Variants in MBOAT2 observed in about 807,000 individuals in gnomAD.
MBOAT2 encodes the protein membrane-bound glycerophospholipid O-acyltransferase 2.
A neutral mutation model predicts 63.4 loss-of-function variants in MBOAT2; 28 were observed. The observed-to-expected ratio is 0.44, with a 90% CI of 0.33 to 0.61. The LOEUF is 0.61. Ranked by LOEUF, MBOAT2 falls within the 20% of genes least tolerant of loss-of-function variation. The probability of loss-of-function intolerance (pLI) is 0.03; values close to 1 mark genes in which losing one functional copy is unlikely to be tolerated. For synonymous variants in MBOAT2, 211 were observed against 215.6 expected, an observed-to-expected ratio of 0.98 and a Z score of 0.19; for missense variants, 470 against 605.8, an observed-to-expected ratio of 0.78 and a Z score of 2.35.
intron 2 of MBOAT2, among the ~76,000 whole-genome samples, chr2:8,950,218 G>A (rs1250050666): frequency 3.3e-5 from 5 of 152,142 alleles, no homozygotes; most frequent in African/African-American, 7.2e-5. Context: ...CAGCCTTCTG[G>A]AGGAGTCTTT....
chr2:8,945,522 A>T (rs1668353321), intron 2 of MBOAT2, among the ~76,000 whole-genome samples: 1 of 152,204 alleles, frequency 6.6e-6, no homozygotes, highest in Admixed American at 6.5e-5. Context: ...TTAAAAGTCT[A>T]TTATCATTCA....
chr2:8,974,056 TGTACCAA>T (rs758275002), intron 1 of MBOAT2, among the ~76,000 whole-genome samples: 3 of 152,184 alleles, frequency 2.0e-5, no homozygotes, highest in African/African-American at 4.8e-5. Context: ...GAGGCAGCCC[TGTACCAA>T]GTACCAAGTA....
At chr2:8,924,762 A>G (rs930497457) in intron 3 of MBOAT2, among the ~76,000 whole-genome samples, 5 of 151,830 alleles carry the variant, frequency 3.3e-5, no homozygotes, top group African/African-American at 1.2e-4. Flanking sequence ...ACTCAGTAAG[A>G]TAATGAAGTC....
rs1181651020 is a variant in MBOAT2 at position 8,857,494 on chromosome 2, C to T, written c.*1185G>A. The T allele has an allele frequency of 6.6e-6, 1 of 152,184 alleles. No individual in the cohort carries two copies. The highest frequency in any genetic ancestry group is 6.5e-5 in the Admixed American group (1 of 15,284). The allele number at this position is 152,184 out of a possible 1,614,324, so 9.4% of individuals were successfully genotyped here. A position where few individuals can be genotyped will look rare whatever the true frequency, so the allele number is the denominator to read the frequency against. On this transcript the variant is annotated 3_prime_UTR_variant, in exon 13 of 13. Coordinates refer to ENST00000305997, the MANE Select transcript of MBOAT2 (RefSeq NM_138799.4). ...TAAAACTCATTTTAGTAAGAGTTCA[C>T]AGCAAAATTTTAATGTGAGAAGAGT...
At chr2:8,877,621 G>T (rs1662791469) in intron 6 of MBOAT2, among the ~76,000 whole-genome samples, 1 of 152,214 alleles carries the variant, frequency 6.6e-6, no homozygotes, top group South Asian at 2.1e-4. Flanking sequence ...CACAGAGCTT[G>T]CATACTGGTT....
Position 8,852,691 on chromosome 2 carries a change from A to G in MBOAT2, c.*5988T>C, listed in dbSNP as rs2148493599. 6.6e-6 allele frequency: 1 copy of G among 152,304 alleles called. No individual in the cohort carries two copies. Among genetic ancestry groups the G allele is most frequent in the African/African-American group, 2.4e-5 (1 of 41,574 alleles). The allele number at this position is 152,304 out of a possible 1,614,324, so 9.4% of individuals were successfully genotyped here. A position where few individuals can be genotyped will look rare whatever the true frequency, so the allele number is the denominator to read the frequency against. On this transcript the variant is annotated 3_prime_UTR_variant, in exon 13 of 13. Transcript: ENST00000305997. The stretch of plus-strand genomic sequence containing the variant: ...GATATTAGCAAACACACACACGCAT[A>G]TTTTTAAACTACTGTTTAATCAGTT...
chr2:8,882,872 G>T (rs576923841), intron 5 of MBOAT2, among the ~76,000 whole-genome samples: 5 of 151,988 alleles, frequency 3.3e-5, no homozygotes, highest in African/African-American at 1.2e-4. Context: ...ATGACTTTTC[G>T]AAAAGGGGCA....
At chr2:8,899,208 C>T (rs902322563) in intron 4 of MBOAT2, among the ~76,000 whole-genome samples, 9 of 152,262 alleles carry the variant, frequency 5.9e-5, no homozygotes, top group Admixed American at 2.6e-4. Flanking sequence ...AAATGGGTAA[C>T]TTGTTCCCCA....
chr2:9,002,453 A>G (rs1357068162), intron 1 of MBOAT2, among the ~76,000 whole-genome samples: 4 of 152,252 alleles, frequency 2.6e-5, no homozygotes, highest in African/African-American at 9.6e-5. Context: ...CCTGAAGACT[A>G]AATGACAGCA....
intron 1 of MBOAT2, among the ~76,000 whole-genome samples, chr2:8,989,292 G>C (rs923212478): frequency 1.3e-5 from 2 of 152,170 alleles, no homozygotes; most frequent in African/African-American, 4.8e-5. Context: ...CGTCAAATGA[G>C]TCTACTGCGT....
At position 8,902,839 on chromosome 2, in the gene MBOAT2, C is replaced by T. The variant is rs182145617; in HGVS notation, c.395+5782G>A. ...TGTGAAGAGCAAAAGAACAAAAAGCCTTCACAGCGTGGAAGGGGACACAAG... is the reference window on the plus strand; with the variant it reads ...TGTGAAGAGCAAAAGAACAAAAAGCTTTCACAGCGTGGAAGGGGACACAAG... On this transcript the variant is annotated intron_variant, in intron 4 of 12. Coordinates refer to ENST00000305997, the MANE Select transcript of MBOAT2 (RefSeq NM_138799.4). 4.6e-5 allele frequency among the ~76,000 whole-genome samples: 7 copies of T among 152,300 alleles called. No individual in the cohort carries two copies. The East Asian group carries it at 1.2e-3, about 25-fold the overall frequency.
chr2:8,946,593 C>T (rs998852459), intron 2 of MBOAT2, among the ~76,000 whole-genome samples: 1 of 152,294 alleles, frequency 6.6e-6, no homozygotes, highest in East Asian at 1.9e-4. Flanking sequence ...TCCAATAGCA[C>T]GTGCTGAGAC....
At chr2:8,864,882 C>A (rs574197144) in intron 9 of MBOAT2, among the ~76,000 whole-genome samples, 1 of 152,366 alleles carries the variant, frequency 6.6e-6, no homozygotes, top group South Asian at 2.1e-4. Flanking sequence ...GTCTTCACTT[C>A]TGACCATTTT....
At chr2:8,906,587 GA>G (rs1413518412) in intron 4 of MBOAT2, among the ~76,000 whole-genome samples, 1 of 152,336 alleles carries the variant, frequency 6.6e-6, no homozygotes, top group East Asian at 1.9e-4. Flanking sequence ...TTGAGCCACT[GA>G]AATAATGTTA....
At chr2:8,970,935 G>A (rs1670401609) in intron 1 of MBOAT2, among the ~76,000 whole-genome samples, 2 of 152,112 alleles carry the variant, frequency 1.3e-5, no homozygotes, top group South Asian at 4.1e-4. Flanking sequence ...TCTACCGGAG[G>A]TACAAGGAGG....
At chr2:8,882,364 G>A in intron 6 of MBOAT2, 147 bp downstream of exon 6, 1 of 755,296 alleles carries the variant, frequency 1.3e-6, no homozygotes, top group Non-Finnish European at 2.2e-6. Context: ...GCAGGCTTTG[G>A]CAGGAGGGAA....
chr2:8,968,532 T>A, intron 1 of MBOAT2, among the ~76,000 whole-genome samples: 1 of 152,244 alleles, frequency 6.6e-6, no homozygotes, highest in Admixed American at 6.5e-5. Context: ...GGATGGAGAA[T>A]GACTTTGACG....
rs1008030271 is a variant in MBOAT2 at position 8,853,051 on chromosome 2, C to T, written c.*5628G>A. 1 of 152,204 alleles carries T rather than the reference C, an allele frequency of 6.6e-6. No homozygotes were observed. The highest frequency in any genetic ancestry group is 1.5e-5 in the Non-Finnish European group (1 of 68,032). The allele number at this position is 152,204 out of a possible 1,614,324, so 9.4% of individuals were successfully genotyped here. A position where few individuals can be genotyped will look rare whatever the true frequency, so the allele number is the denominator to read the frequency against. ...TTCTGGCTGCTGGAGTTGGGTCTCT[C>T]CTCATGTTTGGGCGACTGAGGGCTC... On this transcript the variant is annotated 3_prime_UTR_variant, in exon 13 of 13. Coordinates refer to ENST00000305997, the MANE Select transcript of MBOAT2 (RefSeq NM_138799.4).
chr2:8,949,670 G>A (rs777199538), intron 2 of MBOAT2, among the ~76,000 whole-genome samples: 3 of 151,918 alleles, frequency 2.0e-5, no homozygotes, highest in Non-Finnish European at 2.9e-5. Flanking sequence ...GCTTTATTTT[G>A]CAGTCTTCTA....
Sources: allele counts gnomAD v4.1 joint callset (sites outside exome capture counted in the v4.1 genomes callset), GRCh38; gene constraint gnomAD v4.1.1; transcripts MANE v1.5; gene names NCBI Gene and HGNC (gene_info 2026-07-23, HGNC 2026-07-21).